SYT16: variants seen among roughly 807,000 people sequenced by gnomAD.
SYT16 encodes the protein synaptotagmin 16, also known as synaptotagmin-16.
In SYT16, 42 loss-of-function variants were observed where a neutral mutation model predicts 61.4. That is an observed-to-expected ratio of 0.68 (90% confidence interval 0.53 to 0.89). The LOEUF (loss-of-function observed/expected upper bound fraction) is 0.89. SYT16 is among the 40% of genes least tolerant of loss of function. SYT16 has a pLI of 0.00. For missense variants in SYT16, 804 were observed against 807.3 expected, an observed-to-expected ratio of 1.00 and a Z score of 0.05; for synonymous variants, 314 against 302.3, an observed-to-expected ratio of 1.04 and a Z score of -0.40.
chr14:62,057,537 T>C (rs1198651025), intron 3 of SYT16, among the ~76,000 whole-genome samples: 1 of 152,098 alleles, frequency 6.6e-6, no homozygotes, highest in South Asian at 2.1e-4. Flanking sequence ...CCCAGGTAAA[T>C]ACAGTGGGGA....
chr14:62,046,233 G>C (rs1178560248), intron 3 of SYT16, among the ~76,000 whole-genome samples: 1 of 152,104 alleles, frequency 6.6e-6, no homozygotes, highest in Non-Finnish European at 1.5e-5. Flanking sequence ...TGTGTTTTTT[G>C]GCTGTATAAA....
chr14:61,870,684 T>C (rs1369148124), intron 1 of SYT16, among the ~76,000 whole-genome samples: 1 of 152,198 alleles, frequency 6.6e-6, no homozygotes, highest in East Asian at 1.9e-4. Context: ...CTAGGTTTTA[T>C]TGCAATGTCT....
intron 1 of SYT16, among the ~76,000 whole-genome samples, chr14:61,886,684 C>T (rs868810464): frequency 5.3e-5 from 8 of 152,144 alleles, no homozygotes; most frequent in South Asian, 2.1e-4. Flanking sequence ...AGTCTTGAGC[C>T]CCTCAAAAGT....
chr14:62,069,739 A>G lies in SYT16; in HGVS notation c.660A>G (p.Gly220=). 6.2e-7 allele frequency: 1 copy of G among 1,614,010 alleles called. No homozygotes were observed. The highest frequency in any genetic ancestry group is 8.5e-7 in the Non-Finnish European group (1 of 1,179,882). Residue 220 remains glycine, a synonymous_variant, in exon 4 of 8, where the codon GGA becomes GGG. Coordinates refer to ENST00000683842, the MANE Select transcript of SYT16 (RefSeq NM_001367656.1). ...CATCTGAGAAAGGAAAGCAGACAGG[A>G]TTGGAGCAGAAACCAAAATTCAGCC... ...SVTSEKGKQT[G]LEQKPKFSRS... is the part of the protein sequence containing the mutation.
intron 1 of SYT16, among the ~76,000 whole-genome samples, chr14:61,828,890 A>G (rs1006420543): frequency 6.6e-6 from 1 of 152,204 alleles, no homozygotes. Flanking sequence ...GTTAGGCCCA[A>G]AGCATGTGCA....
intron 1 of SYT16, among the ~76,000 whole-genome samples, chr14:61,848,468 C>T (rs964831002): frequency 6.6e-6 from 1 of 152,184 alleles, no homozygotes; most frequent in African/African-American, 2.4e-5. Context: ...AAGTGGAGGA[C>T]ACATGACATA....
rs577564055 is a variant in SYT16 at position 62,011,136 on chromosome 14, C to T, written c.523+14594C>T. ...AACTAAACTCAAATTAGGAATTTCT[C>T]GGTTTCTTATAAGCAAAGATAAAGG... On this transcript the variant is annotated intron_variant, in intron 3 of 7. Coordinates refer to ENST00000683842, the MANE Select transcript of SYT16 (RefSeq NM_001367656.1). 5.8e-4 allele frequency among the ~76,000 whole-genome samples: 89 copies of T among 152,252 alleles called. No homozygotes were observed. In the Middle Eastern group the frequency reaches 0.01, roughly 17 times the overall value.
At chr14:61,938,505 A>G (rs1345965291) in intron 1 of SYT16, among the ~76,000 whole-genome samples, 1 of 152,168 alleles carries the variant, frequency 6.6e-6, no homozygotes, top group South Asian at 2.1e-4. Flanking sequence ...CCTAGAAATG[A>G]ATAAATAATG....
At chr14:61,934,954 A>G (rs141376449) in intron 1 of SYT16, among the ~76,000 whole-genome samples, 1 of 152,230 alleles carries the variant, frequency 6.6e-6, no homozygotes, top group East Asian at 1.9e-4. Context: ...GCGAAAGAGT[A>G]TTTTCATTCC....
chr14:61,931,241 C>A (rs924655898), intron 1 of SYT16, among the ~76,000 whole-genome samples: 1 of 152,130 alleles, frequency 6.6e-6, no homozygotes, highest in East Asian at 1.9e-4. Context: ...GCCCATTTTG[C>A]AGCACATTAG....
intron 1 of SYT16, among the ~76,000 whole-genome samples, chr14:61,938,643 A>C (rs1419347770): frequency 1.3e-5 from 2 of 152,210 alleles, no homozygotes; most frequent in Admixed American, 6.5e-5. Flanking sequence ...GGTATCCTTA[A>C]GAGACAAGCA....
chr14:62,072,834 G>A (rs2056348422), intron 4 of SYT16, among the ~76,000 whole-genome samples: 1 of 151,998 alleles, frequency 6.6e-6, no homozygotes, highest in African/African-American at 2.4e-5. Flanking sequence ...TGAATAATGG[G>A]GTTTTATTCC....
At chr14:61,963,346 G>A (rs973157070) in intron 1 of SYT16, among the ~76,000 whole-genome samples, 1 of 152,188 alleles carries the variant, frequency 6.6e-6, no homozygotes, top group Admixed American at 6.5e-5. Context: ...AAGTCTTGAA[G>A]AGAATTAAAA....
intron 3 of SYT16, among the ~76,000 whole-genome samples, chr14:62,055,641 A>G (rs72718580): frequency 0.061 from 9,252 of 152,250 alleles, 342 homozygotes; most frequent in Middle Eastern, 0.16. Context: ...GGAGCCCTTG[A>G]TATAGGGTGG....
chr14:61,920,156 C>G (rs968024907), intron 1 of SYT16, among the ~76,000 whole-genome samples: 1 of 152,158 alleles, frequency 6.6e-6, no homozygotes, highest in African/African-American at 2.4e-5. Context: ...CCTGTTTTTC[C>G]TCCTACCTTG....
chr14:61,958,296 A>G (rs1027453436), intron 1 of SYT16, among the ~76,000 whole-genome samples: 2 of 146,534 alleles, frequency 1.4e-5, no homozygotes, highest in African/African-American at 5.0e-5. Flanking sequence ...TACCTTTACT[A>G]TTTTCTTCCT....
intron 1 of SYT16, among the ~76,000 whole-genome samples, chr14:61,865,746 AATC>A (rs573441203): frequency 1.1e-3 from 169 of 152,244 alleles, no homozygotes; most frequent in African/African-American, 3.7e-3. Context: ...TGTTTCTGGG[AATC>A]ATCATTTTTT....
intron 7 of SYT16, among the ~76,000 whole-genome samples, chr14:62,085,325 A>G (rs1041539609): frequency 6.6e-6 from 1 of 152,186 alleles, no homozygotes; most frequent in Admixed American, 6.5e-5. Flanking sequence ...GGAGGACTTA[A>G]TTTGGATCTG....
chr14:61,996,626 T>A, intron 3 of SYT16, 84 bp downstream of exon 3: 3 of 1,484,124 alleles, frequency 2.0e-6, no homozygotes, highest in Non-Finnish European at 2.7e-6. Context: ...TTAGTTATCA[T>A]GTGGATTTTA....
Sources: gnomAD v4.1 joint callset for allele counts (sites outside exome capture counted in the v4.1 genomes callset) on GRCh38, gnomAD v4.1.1 for gene constraint, MANE v1.5 for transcripts, NCBI Gene and HGNC (gene_info 2026-07-23, HGNC 2026-07-21) for gene names.